The following RANBP2 variants were observed in gnomAD, a reference collection of about 807,000 sequenced individuals.
RANBP2 encodes E3 SUMO-protein ligase RanBP2.
A neutral mutation model predicts 303.6 loss-of-function variants in RANBP2; 57 were observed. The observed-to-expected ratio is 0.19, with a 90% CI of 0.15 to 0.23. The LOEUF is 0.23. Among genes scored for constraint, RANBP2 ranks in the 10% least tolerant of loss-of-function variants. RANBP2 has a pLI of 1.00. For missense variants in RANBP2, 3,138 were observed against 3,780.8 expected (o/e 0.83, Z 4.46); for synonymous variants, 1,167 against 1,301.5 (o/e 0.90, Z 2.23).
At chr2:109,343,699 A>G in the RANBP2 span, among the ~76,000 whole-genome samples, 2,510 of 150,496 alleles carry the variant, frequency 0.017, 64 homozygotes, top group African/African-American at 0.058. Context: ...CAGGCGTACA[A>G]TCTCCAGTCT....
the RANBP2 span, among the ~76,000 whole-genome samples, chr2:108,804,241 AAACT>A: frequency 6.6e-6 from 1 of 152,206 alleles, no homozygotes; most frequent in Admixed American, 6.5e-5. Context: ...GTGAAAGGTG[AAACT>A]ATTAAGTATT....
the RANBP2 span, chr2:109,432,468 C>T: frequency 6.2e-7 from 1 of 1,610,392 alleles, no homozygotes. Context: ...CAGGAGGGCT[C>T]CCACTGACAC....
the RANBP2 span, among the ~76,000 whole-genome samples, chr2:109,032,399 A>G: frequency 5.3e-3 from 802 of 152,286 alleles, 3 homozygotes; most frequent in Non-Finnish European, 6.6e-3. Flanking sequence ...AGTCCTTTCA[A>G]GCACCGTCTG....
rs1438952086 is a variant in RANBP2 at position 108,729,178 on chromosome 2, A to G, written c.119A>G (p.Lys40Arg). The G allele has an allele frequency of 1.3e-6, 2 of 1,572,620 alleles. No individual in the cohort carries two copies. The highest frequency in any genetic ancestry group is 1.7e-6 in the Non-Finnish European group (2 of 1,161,236). Residue 40 changes from lysine (K) to arginine (R), a missense_variant, in exon 2 of 29, where the codon AAA becomes AGA. Physicochemically the swap from Lys to Arg is conservative, Grantham distance 26. This residue lies in a region of RANBP2 where 306 missense variants were observed against 381.9 expected (regional missense o/e 0.80). Transcript: ENST00000283195. ...TTTGCAAAGCTGTATTATGAAGCTAAAGAATATGATCTTGCTAAAAAGTAA... is the reference window on the plus strand; with the variant it reads ...TTTGCAAAGCTGTATTATGAAGCTAGAGAATATGATCTTGCTAAAAAGTAA... ...FYFAKLYYEA[K>R]EYDLAKKYIC...
the RANBP2 span, among the ~76,000 whole-genome samples, chr2:109,688,781 T>TAAAAAAAAA: frequency 2.3e-5 from 1 of 43,740 alleles, no homozygotes; most frequent in African/African-American, 8.5e-5. Context: ...TCTGTCTCAA[T>TAAAAAAAAA]AAAAAAAAAA....
chr2:109,032,826 G>A, the RANBP2 span, among the ~76,000 whole-genome samples: 3 of 152,230 alleles, frequency 2.0e-5, no homozygotes, highest in African/African-American at 2.4e-5. Flanking sequence ...AGGAGCAATC[G>A]CCTAATTCCA....
the RANBP2 span, among the ~76,000 whole-genome samples, chr2:109,055,686 CT>C: frequency 7.9e-3 from 1,189 of 151,060 alleles, 16 homozygotes; most frequent in African/African-American, 0.027. Flanking sequence ...GCCCAGCGGC[CT>C]TTTCATTTTC....
At chr2:109,505,271 C>T in the RANBP2 span, among the ~76,000 whole-genome samples, 3 of 152,200 alleles carry the variant, frequency 2.0e-5, no homozygotes, top group Non-Finnish European at 4.4e-5. Flanking sequence ...TGCCTGGAAC[C>T]ACGTGTTTCT....
the RANBP2 span, among the ~76,000 whole-genome samples, chr2:109,169,881 A>C: frequency 1.3e-5 from 2 of 152,112 alleles, no homozygotes; most frequent in East Asian, 3.9e-4. Flanking sequence ...GCTCCCTCCC[A>C]CTGGCACCTG....
At chr2:109,199,845 A>C in the RANBP2 span, among the ~76,000 whole-genome samples, 2 of 152,230 alleles carry the variant, frequency 1.3e-5, no homozygotes, top group Admixed American at 6.5e-5. Context: ...AATGGAATGG[A>C]ATGGAAATAA....
At chr2:109,514,125 C>A in the RANBP2 span, among the ~76,000 whole-genome samples, 5 of 152,220 alleles carry the variant, frequency 3.3e-5, no homozygotes, top group Non-Finnish European at 5.9e-5. Flanking sequence ...CCATCAAGTG[C>A]TCTTGCAGCT....
chr2:109,154,717 G>T, the RANBP2 span, among the ~76,000 whole-genome samples: 3 of 152,320 alleles, frequency 2.0e-5, no homozygotes, highest in South Asian at 2.1e-4. Context: ...TTTGGACAAG[G>T]TCTGTGGGGG....
chr2:109,562,911 C>CT, the RANBP2 span, among the ~76,000 whole-genome samples: 8,896 of 145,662 alleles, frequency 0.061, 554 homozygotes, highest in East Asian at 0.24. Flanking sequence ...ACACACAATG[C>CT]TTTTTTTTTT....
the RANBP2 span, among the ~76,000 whole-genome samples, chr2:109,159,046 G>T: frequency 9.9e-5 from 15 of 152,224 alleles, no homozygotes; most frequent in Non-Finnish European, 2.2e-4. Flanking sequence ...GAACCCAGGA[G>T]GCAGAGGGTG....
the RANBP2 span, among the ~76,000 whole-genome samples, chr2:109,053,527 A>C: frequency 6.6e-6 from 1 of 152,182 alleles, no homozygotes; most frequent in Non-Finnish European, 1.5e-5. Context: ...GCGCAAGTGG[A>C]GCCCTTTCAG....
the RANBP2 span, among the ~76,000 whole-genome samples, chr2:109,512,819 T>A: frequency 6.6e-6 from 1 of 151,902 alleles, no homozygotes; most frequent in African/African-American, 2.4e-5. Context: ...ACTCTGACCC[T>A]GACCCCTCCT....
At chr2:109,667,667 A>T in the RANBP2 span, 1 of 168,638 alleles carries the variant, frequency 5.9e-6, no homozygotes, top group Non-Finnish European at 1.3e-5. Flanking sequence ...GTTAACATTC[A>T]TTTGGATCCT....
the RANBP2 span, among the ~76,000 whole-genome samples, chr2:109,359,288 G>T: frequency 6.6e-6 from 1 of 152,154 alleles, no homozygotes; most frequent in Non-Finnish European, 1.5e-5. Context: ...TTTAGAATCA[G>T]TTGGTCAATA....
chr2:108,864,598 G>T, the RANBP2 span, among the ~76,000 whole-genome samples: 1 of 152,080 alleles, frequency 6.6e-6, no homozygotes, highest in Non-Finnish European at 1.5e-5. Context: ...GAGATCGAGA[G>T]CAGCCTGGCT....
Sources: allele counts gnomAD v4.1 joint callset (sites outside exome capture counted in the v4.1 genomes callset), GRCh38; gene constraint gnomAD v4.1.1; regional missense constraint gnomAD v4.1.1; transcripts MANE v1.5; gene names NCBI Gene and HGNC (gene_info 2026-07-23, HGNC 2026-07-21).